Variants in IGSF21 observed in about 807,000 individuals in gnomAD.
The protein encoded by IGSF21 is immunoglobin superfamily member 21, also known as immunoglobulin superfamily member 21.
Under a neutral mutation model 46.8 loss-of-function variants are expected in IGSF21, and 28 were observed. The ratio of observed to expected loss-of-function variants is 0.60; its 90% CI spans 0.44 to 0.82. The LOEUF is 0.82. Ranked by LOEUF, IGSF21 falls within the 40% of genes least tolerant of loss-of-function variation. The probability of loss-of-function intolerance (pLI) is 0.00; values close to 1 mark genes in which losing one functional copy is unlikely to be tolerated. For missense variants in IGSF21, 624 were observed against 665.5 expected (o/e 0.94, Z 0.69); for synonymous variants, 284 against 273.6 (o/e 1.04, Z -0.38).
chr1:18,178,767 C>T (rs906456404), intron 1 of IGSF21, among the ~76,000 whole-genome samples: 11 of 152,102 alleles, frequency 7.2e-5, no homozygotes, highest in Admixed American at 7.2e-4. Flanking sequence ...CCCCCTACCC[C>T]ACCCCAGGGT....
At chr1:18,291,308 G>A (rs970523998) in intron 2 of IGSF21, among the ~76,000 whole-genome samples, 7 of 152,204 alleles carry the variant, frequency 4.6e-5, no homozygotes, top group African/African-American at 1.7e-4. Flanking sequence ...GAGGGCAAGT[G>A]CCCCACGCTG....
chr1:18,151,153 C>A (rs2086518651), intron 1 of IGSF21, among the ~76,000 whole-genome samples: 1 of 152,194 alleles, frequency 6.6e-6, no homozygotes, highest in East Asian at 1.9e-4. Context: ...TCATTTAGGT[C>A]TCTGTTCAAA....
At chr1:18,115,830 G>GAAGA (rs1557543319) in intron 1 of IGSF21, 1 of 89,400 alleles carries the variant, frequency 1.1e-5, no homozygotes, top group Non-Finnish European at 2.1e-5. Context: ...AGGAAGGAAG[G>GAAGA]AAGGAAGGAA....
intron 1 of IGSF21, among the ~76,000 whole-genome samples, chr1:18,212,355 G>A (rs1012259568): frequency 3.3e-5 from 5 of 152,236 alleles, no homozygotes; most frequent in Admixed American, 1.3e-4. Context: ...CAAGCTCAAA[G>A]TTATAATCTC....
At chr1:18,204,992 C>T (rs1261701256) in intron 1 of IGSF21, among the ~76,000 whole-genome samples, 3 of 152,064 alleles carry the variant, frequency 2.0e-5, no homozygotes, top group Non-Finnish European at 4.4e-5. Context: ...GAGAGGATTT[C>T]CAAAAACTCC....
rs182594554 is a variant in IGSF21, at chr1:18,180,218, G to A, written c.71-47680G>A. ...ACGCTGCATGTGGCGAGGTGTAGATGTTTACCAGGTTGTAGGGACTTTGTT... is the reference window on the plus strand; with the variant it reads ...ACGCTGCATGTGGCGAGGTGTAGATATTTACCAGGTTGTAGGGACTTTGTT... On this transcript the variant is annotated intron_variant, in intron 1 of 9. Transcript: ENST00000251296. Among the ~76,000 whole-genome samples, 120 of 152,232 alleles carry A rather than the reference G, an allele frequency of 7.9e-4. 2 individuals are homozygous for A. The highest frequency in any genetic ancestry group is 7.8e-3 in the Admixed American group (120 of 15,288).
In IGSF21 at chr1:18,334,736, G is replaced by A. The variant is rs1009780204; in HGVS notation, c.306-156G>A. Among the ~76,000 whole-genome samples, 14 of 152,250 alleles carry A rather than the reference G, an allele frequency of 9.2e-5. No homozygotes were observed. The highest frequency in any genetic ancestry group is 2.1e-4 in the South Asian group (1 of 4,812). Reference sequence around the variant, plus strand: ...CCGAGCACAGGGTCTGCATACAGTCGGTGTTCCATAAATGCTCCCCTCCTC... The same window carrying A: ...CCGAGCACAGGGTCTGCATACAGTCAGTGTTCCATAAATGCTCCCCTCCTC... On this transcript the variant is annotated intron_variant, in intron 3 of 9. Transcript: ENST00000251296. The surrounding 1 kb of genome is among the most constrained non-coding windows in gnomAD (Gnocchi z 4.3).
chr1:18,132,939 C>G (rs1434547476), intron 1 of IGSF21, among the ~76,000 whole-genome samples: 4 of 152,062 alleles, frequency 2.6e-5, no homozygotes, highest in African/African-American at 9.7e-5. Flanking sequence ...GGGACGGAGA[C>G]AGGGTTGAGT....
chr1:18,191,640 G>A (rs374727067), intron 1 of IGSF21, among the ~76,000 whole-genome samples: 202 of 151,788 alleles, frequency 1.3e-3, no homozygotes, highest in South Asian at 6.9e-3. Flanking sequence ...GCAGGCTTGC[G>A]GGTTGGGGAA....
intron 3 of IGSF21, among the ~76,000 whole-genome samples, chr1:18,309,817 G>A (rs550085753): frequency 2.6e-5 from 4 of 152,194 alleles, no homozygotes; most frequent in Admixed American, 1.3e-4. Context: ...GAGCAGGACC[G>A]GCAGAGTGAG....
At chr1:18,357,377 G>T (rs1225203395) in intron 4 of IGSF21, among the ~76,000 whole-genome samples, 1 of 146,928 alleles carries the variant, frequency 6.8e-6, no homozygotes, top group African/African-American at 2.5e-5. Flanking sequence ...ATGAATTGGG[G>T]AAAGGGATGG....
chr1:18,237,378 C>G (rs1032421752), intron 2 of IGSF21, among the ~76,000 whole-genome samples: 1 of 152,154 alleles, frequency 6.6e-6, no homozygotes, highest in African/African-American at 2.4e-5. Flanking sequence ...CGCTTCCCGT[C>G]CAGTTGCCCA....
Position 18,188,226 on chromosome 1 carries a change from G to A in IGSF21, c.71-39672G>A, listed in dbSNP as rs565489524. Among the ~76,000 whole-genome samples, 94 of 152,272 alleles carry A rather than the reference G, an allele frequency of 6.2e-4. No homozygotes were observed. In the Middle Eastern group the frequency reaches 0.01, roughly 17 times the overall value. On this transcript the variant is annotated intron_variant, in intron 1 of 9. Coordinates refer to ENST00000251296, the MANE Select transcript of IGSF21 (RefSeq NM_032880.5). Reference sequence around the variant, plus strand: ...GGAAAAAGTCACGTGGAACTGCTCCGATCTCCCAGCCATGAAATATCCCTC... The same window carrying A: ...GGAAAAAGTCACGTGGAACTGCTCCAATCTCCCAGCCATGAAATATCCCTC...
intron 3 of IGSF21, among the ~76,000 whole-genome samples, chr1:18,324,634 C>T (rs1283038034): frequency 6.6e-6 from 1 of 152,230 alleles, no homozygotes; most frequent in East Asian, 1.9e-4. Flanking sequence ...AGACCAGACT[C>T]TTCTGGGAGA....
intron 1 of IGSF21, among the ~76,000 whole-genome samples, chr1:18,130,214 AGGTCT>A (rs1453227463): frequency 6.6e-6 from 1 of 152,176 alleles, no homozygotes; most frequent in Non-Finnish European, 1.5e-5. Context: ...TGACCCTGTG[AGGTCT>A]GGCCTTTGAG....
chr1:18,374,597 G>A (rs181413493), intron 6 of IGSF21, among the ~76,000 whole-genome samples: 1 of 151,500 alleles, frequency 6.6e-6, no homozygotes, highest in African/African-American at 2.4e-5. Context: ...CCCTCTCCTT[G>A]GTGCAAGCCC....
At chr1:18,179,523 A>C (rs2086836085) in intron 1 of IGSF21, among the ~76,000 whole-genome samples, 2 of 152,206 alleles carry the variant, frequency 1.3e-5, no homozygotes, top group African/African-American at 4.8e-5. Flanking sequence ...TTGTAATTCT[A>C]TATTCATTAT....
chr1:18,248,186 G>C (rs1397322653), intron 2 of IGSF21, among the ~76,000 whole-genome samples: 1 of 152,210 alleles, frequency 6.6e-6, no homozygotes, highest in African/African-American at 2.4e-5. Context: ...CTGAGCTTCT[G>C]CCTCTACTTC....
At chr1:18,135,930 C>A (rs558663554) in intron 1 of IGSF21, among the ~76,000 whole-genome samples, 299 of 152,268 alleles carry the variant, frequency 2.0e-3, no homozygotes, top group Middle Eastern at 6.8e-3. Context: ...CCTGTTGTTT[C>A]CTGACTTTTT....
Sources: gnomAD v4.1 joint callset for allele counts (sites outside exome capture counted in the v4.1 genomes callset) on GRCh38, gnomAD v4.1.1 for gene constraint, Gnocchi (gnomAD v3.1) non-coding constraint, MANE v1.5 for transcripts, NCBI Gene and HGNC (gene_info 2026-07-23, HGNC 2026-07-21) for gene names.